SCUBE2: variants seen among roughly 807,000 people sequenced by gnomAD.
SCUBE2 encodes the protein signal peptide, CUB domain and EGF like domain containing 2.
In SCUBE2, 114 loss-of-function variants were observed where a neutral mutation model predicts 125.9. That is an observed-to-expected ratio of 0.91 (90% CI 0.78 to 1.06). The LOEUF (loss-of-function observed/expected upper bound fraction) is 1.06, where lower values mean the gene tolerates loss of function less well. Among genes scored for constraint, SCUBE2 ranks in the 50% least tolerant of loss-of-function variants. The pLI is 0.00. For synonymous variants in SCUBE2, 459 were observed against 492.9 expected (o/e 0.93, Z 0.91); for missense variants, 1,255 against 1,301.8 (o/e 0.96, Z 0.55).
chr11:9,063,694 CCCAACA>C (rs1859904148), intron 7 of SCUBE2, among the ~76,000 whole-genome samples: 1 of 152,162 alleles, frequency 6.6e-6, no homozygotes, highest in Non-Finnish European at 1.5e-5. Flanking sequence ...ATAGGATCCA[CCCAACA>C]GGAGAGCGGC....
In SCUBE2 at chr11:9,053,090, C is replaced by T; in HGVS notation, c.1447+9G>A. On this transcript the variant is annotated intron_variant, in intron 12 of 22. Coordinates refer to ENST00000649792, the MANE Select transcript of SCUBE2 (RefSeq NM_001367977.2). ...TGAGGACCTGCCCCGGGAACTGGGC[C>T]CCACTCACCTGAAGAGAGGTGAATG... 6.2e-7 allele frequency: 1 copy of T among 1,610,234 alleles called. No individual in the cohort carries two copies. Among genetic ancestry groups the T allele is most frequent in the African/African-American group, 1.3e-5 (1 of 74,968 alleles).
intron 4 of SCUBE2, among the ~76,000 whole-genome samples, 157 bp downstream of exon 4, chr11:9,074,324 T>C (rs899215724): frequency 6.6e-6 from 1 of 152,188 alleles, no homozygotes; most frequent in East Asian, 1.9e-4. Context: ...TCAAATAACT[T>C]GCCCACGGTT....
Position 9,033,631 on chromosome 11 carries a change from C to T in SCUBE2, c.2168G>A (p.Cys723Tyr). 2 of 1,613,744 alleles carry T rather than the reference C, an allele frequency of 1.2e-6. No individual in the cohort carries two copies. The highest frequency in any genetic ancestry group is 1.1e-5 in the South Asian group (1 of 91,052). Residue 723 changes from cysteine (C) to tyrosine (Y), a missense_variant, in exon 17 of 23, where the codon TGT (cysteine) becomes TAT (tyrosine). By Grantham distance (194) the Cys-to-Tyr change is radical (BLOSUM62 -2). Around this residue, in one of 3 missense-constraint regions of SCUBE2, gnomAD observed 515 missense variants for 515.7 expected, o/e 1.00. Coordinates refer to ENST00000649792, the MANE Select transcript of SCUBE2 (RefSeq NM_001367977.2). The part of the protein sequence containing the change: ...KTPEAWNMSE[C>Y]GGLCQPGEYS... ...GGAACAGACAGCATCCTTACCTCCACATTCAGACATATTCCAAGCTTCTGG... is the reference window on the plus strand; with the variant it reads ...GGAACAGACAGCATCCTTACCTCCATATTCAGACATATTCCAAGCTTCTGG...
chr11:9,079,271 CA>C, intron 3 of SCUBE2, 112 bp downstream of exon 3: 1 of 1,171,088 alleles, frequency 8.5e-7, no homozygotes, highest in Non-Finnish European at 1.2e-6. Context: ...TCCAAGGGAG[CA>C]GAAAACACAA....
intron 16 of SCUBE2, among the ~76,000 whole-genome samples, chr11:9,040,114 G>A (rs530439064): frequency 2.0e-5 from 3 of 152,322 alleles, no homozygotes; most frequent in South Asian, 2.1e-4. Context: ...GCAGCCACCC[G>A]TGTCCACAGT....
intron 7 of SCUBE2, chr11:9,064,895 C>G (rs989056925): frequency 2.6e-5 from 4 of 152,094 alleles, no homozygotes; most frequent in Non-Finnish European, 5.9e-5. Flanking sequence ...CTGACTCCCA[C>G]CCCCATGACC....
rs375449503 is a variant in SCUBE2, at chr11:9,091,332, G to C, written c.133+64C>G. 3 of 1,171,764 alleles carry C rather than the reference G, an allele frequency of 2.6e-6. No homozygotes were observed. The highest frequency in any genetic ancestry group is 3.2e-5 in the African/African-American group (2 of 62,136). The allele number at this position is 1,171,764 out of a possible 1,614,324, so 72.6% of individuals were successfully genotyped here. On this transcript the variant is annotated intron_variant, in intron 1 of 22. Coordinates refer to ENST00000649792, the MANE Select transcript of SCUBE2 (RefSeq NM_001367977.2). This position sits in a 1 kb window ranked among gnomAD's most constrained non-coding sequence, Gnocchi z 8.5. ...GCGCCCGGCTCTGGACTCCGCCGGG[G>C]ACCTAAACACTCTTCCTGGCCCTGC...
intron 2 of SCUBE2, among the ~76,000 whole-genome samples, chr11:9,081,363 A>G (rs1590154902): frequency 6.6e-6 from 1 of 152,108 alleles, no homozygotes; most frequent in African/African-American, 2.4e-5. Flanking sequence ...CTCTTCCCTC[A>G]GGCCCTGTTA....
At position 9,071,353 on chromosome 11, in the gene SCUBE2, A is replaced by T. The variant is rs909695676; in HGVS notation, c.518-1858T>A. On this transcript the variant is annotated intron_variant, in intron 4 of 22. Coordinates refer to ENST00000649792, the MANE Select transcript of SCUBE2 (RefSeq NM_001367977.2). The stretch of plus-strand genomic sequence containing the variant: ...TAAGAATGCCTGTATGCCAGATGCC[A>T]TTGTGATACACAGAGAACCTACCAC... Among the ~76,000 whole-genome samples the T allele has an allele frequency of 1.3e-5, 2 of 152,246 alleles. 1 individual carries two copies. The highest frequency in any genetic ancestry group is 6.3e-3 in the Middle Eastern group (2 of 316).
intron 20 of SCUBE2, 68 bp downstream of exon 20, chr11:9,027,296 A>C: frequency 6.7e-7 from 1 of 1,488,168 alleles, no homozygotes; most frequent in Non-Finnish European, 9.3e-7. Context: ...CTCACATTGA[A>C]AGCCTGAGGA....
intron 16 of SCUBE2, among the ~76,000 whole-genome samples, chr11:9,041,258 G>A (rs10769985): frequency 0.51 from 77,085 of 150,522 alleles, 21,669 homozygotes; most frequent in East Asian, 0.71. Flanking sequence ...TAGAGGGAGA[G>A]AGAATGTGTG....
intron 16 of SCUBE2, among the ~76,000 whole-genome samples, chr11:9,040,949 T>C (rs148031963): frequency 2.0e-5 from 3 of 152,356 alleles, no homozygotes; most frequent in Non-Finnish European, 4.4e-5. Context: ...ACTAGTGTAT[T>C]ACCTCTTTGT....
At chr11:9,067,194 C>T (rs143763126) in intron 5 of SCUBE2, among the ~76,000 whole-genome samples, 64 of 152,270 alleles carry the variant, frequency 4.2e-4, no homozygotes, top group African/African-American at 1.3e-3. Context: ...TGCTATAGCA[C>T]TTTATGCTGG....
At chr11:9,054,725 A>ATATATATTTTTTTTTTTT (rs1368153935) in intron 10 of SCUBE2, among the ~76,000 whole-genome samples, 1 of 22,344 alleles carries the variant, frequency 4.5e-5, no homozygotes, top group Non-Finnish European at 7.1e-5. Flanking sequence ...ATATATATAT[A>ATATATATTTTTTTTTTTT]TTTTTTTTTT....
chr11:9,041,271 T>C (rs766618622), intron 16 of SCUBE2, among the ~76,000 whole-genome samples: 17 of 152,218 alleles, frequency 1.1e-4, no homozygotes, highest in Non-Finnish European at 2.5e-4. Flanking sequence ...AATGTGTGTG[T>C]GTGCATTCTT....
chr11:9,087,069 A>G (rs1251490434), intron 2 of SCUBE2, among the ~76,000 whole-genome samples: 1 of 151,998 alleles, frequency 6.6e-6, no homozygotes, highest in Non-Finnish European at 1.5e-5. Context: ...TTTTATAACA[A>G]TCACATATCA....
At chr11:9,042,542 C>T (rs973848713) in intron 16 of SCUBE2, among the ~76,000 whole-genome samples, 1 of 152,178 alleles carries the variant, frequency 6.6e-6, no homozygotes, top group African/African-American at 2.4e-5. Context: ...AGGCTTTAGC[C>T]TCCTTTTATG....
intron 16 of SCUBE2, among the ~76,000 whole-genome samples, chr11:9,034,822 AAAAC>A (rs34329706): frequency 6.6e-6 from 1 of 151,154 alleles, no homozygotes; most frequent in Non-Finnish European, 1.5e-5. Context: ...CTCTACTGAA[AAAAC>A]AAACAAACAA....
At chr11:9,042,846 T>C (rs774836624) in intron 16 of SCUBE2, among the ~76,000 whole-genome samples, 1 of 152,176 alleles carries the variant, frequency 6.6e-6, no homozygotes, top group Non-Finnish European at 1.5e-5. Flanking sequence ...TCATTTTCCC[T>C]CTTAAATATT....
Sources: allele counts gnomAD v4.1 joint callset (sites outside exome capture counted in the v4.1 genomes callset), GRCh38; gene constraint gnomAD v4.1.1; regional missense constraint gnomAD v4.1.1; non-coding constraint Gnocchi (gnomAD v3.1); transcripts MANE v1.5; gene names NCBI Gene and HGNC (gene_info 2026-07-23, HGNC 2026-07-21).